DOC2B: variants seen among roughly 807,000 people sequenced by gnomAD.
DOC2B encodes the protein double C2-like domain-containing protein beta.
A neutral mutation model predicts 28.9 loss-of-function variants in DOC2B; 21 were observed. The ratio of observed to expected loss-of-function variants is 0.73; its 90% confidence interval spans 0.52 to 1.05. The LOEUF (loss-of-function observed/expected upper bound fraction) is 1.05, where lower values mean the gene tolerates loss of function less well. DOC2B is among the 50% of genes least tolerant of loss of function. The pLI, the probability that DOC2B is intolerant of heterozygous loss-of-function variation, is 0.00. For synonymous variants in DOC2B, 194 were observed against 178.1 expected (o/e 1.09, Z -0.71); for missense variants, 384 against 421.1 (o/e 0.91, Z 0.77).
Position 144,104 on chromosome 17 carries a change from G to GA in DOC2B, c.*3336_*3337insT. 2.5e-5 allele frequency: 3 copies of GA among 122,040 alleles called. No individual in the cohort carries two copies. In the Admixed American group the frequency reaches 2.6e-4, roughly 11 times the overall value. 7.6% of individuals were successfully genotyped at this position (122,040 alleles called of 1,614,324 possible). A position where few individuals can be genotyped will look rare whatever the true frequency, so the allele number is the denominator to read the frequency against. On this transcript the variant is annotated 3_prime_UTR_variant, in exon 9 of 9. Coordinates refer to ENST00000613549, the MANE Select transcript of DOC2B (RefSeq NM_003585.5). ...GGGGCGGCGGGCGGGGCGGCGGGCG[G>GA]GGCGGCGCTGGAGGCAGCGCCTGGT... is the stretch of plus-strand genomic sequence containing the variant.
At chr17:147,877 A>AG (rs1427446175) in intron 8 of DOC2B, among the ~76,000 whole-genome samples, 3 of 152,206 alleles carry the variant, frequency 2.0e-5, no homozygotes, top group African/African-American at 7.2e-5. Flanking sequence ...CGCAGCCACC[A>AG]GGCCCACTGG....
Position 156,343 on chromosome 17 carries a change from C to T in DOC2B, c.800G>A (p.Arg267Gln), listed in dbSNP as rs754550099. The T allele has an allele frequency of 7.1e-6, 11 of 1,551,484 alleles. No homozygotes were observed. Among genetic ancestry groups the T allele is most frequent in the South Asian group, 2.4e-5 (2 of 84,064 alleles). ...DKTEDKSLEE[R>Q]GRILISLKYS... ...CTTGAGGGAGATGAGGATGCGGCCC[C>T]GCTCCTCCAGGGACTTGTCTTCAGT... Residue 267 changes from arginine to glutamine, a missense_variant, in exon 6 of 9, where the codon CGG becomes CAG. Physicochemically the swap from Arg to Gln is conservative, Grantham distance 43. Transcript: ENST00000613549.
chr17:181,156 C>CT lies in DOC2B; in HGVS notation c.323dup (p.Pro109AlafsTer29). On this transcript the variant is annotated frameshift_variant, in exon 1 of 9. Transcript: ENST00000613549. LOFTEE classifies it high-confidence loss of function. This position sits in a 1 kb window ranked among gnomAD's most constrained non-coding sequence, Gnocchi z 7.0. ...CGGCGTCCGGCTCGTCCTCCGGCGG[C>CT]TTGGCTGGCGGCCGCGCGGGGCTGG... The CT allele has an allele frequency of 1.6e-6, 2 of 1,253,312 alleles. No homozygotes were observed. The highest frequency in any genetic ancestry group is 1.0e-6 in the Non-Finnish European group (1 of 999,990). The allele number at this position is 1,253,312 out of a possible 1,614,324, so 77.6% of individuals were successfully genotyped here. A position where few individuals can be genotyped will look rare whatever the true frequency, so the allele number is the denominator to read the frequency against.
At chr17:177,856 C>G (rs146992383) in intron 1 of DOC2B, among the ~76,000 whole-genome samples, 2 of 152,276 alleles carry the variant, frequency 1.3e-5, no homozygotes, top group Non-Finnish European at 2.9e-5. Flanking sequence ...CACGGAGAAC[C>G]TTTGTGGTGG....
intron 6 of DOC2B, among the ~76,000 whole-genome samples, chr17:150,996 G>A (rs1461046700): frequency 1.3e-5 from 2 of 152,204 alleles, no homozygotes; most frequent in Non-Finnish European, 2.9e-5. Context: ...GAAAACAGGT[G>A]AGTGGTTGCC....
At position 146,282 on chromosome 17, in the gene DOC2B, G is replaced by A. The variant is rs1391053848; in HGVS notation, c.*1159C>T. The A allele has an allele frequency of 3.3e-5, 5 of 152,402 alleles. No individual in the cohort carries two copies. The highest frequency in any genetic ancestry group is 1.2e-4 in the African/African-American group (5 of 41,452). The allele number at this position is 152,402 out of a possible 1,614,324, so 9.4% of individuals were successfully genotyped here. ...AGTGTGAGCCATGGAGTGGAGGGGA[G>A]GGGAAAGGGCAGAGTCAGGACGTGT... is the stretch of plus-strand genomic sequence containing the variant. On this transcript the variant is annotated 3_prime_UTR_variant, in exon 9 of 9. Coordinates refer to ENST00000613549, the MANE Select transcript of DOC2B (RefSeq NM_003585.5).
chr17:142,913 G>C lies in DOC2B; in HGVS notation c.*4528C>G, dbSNP rs2039994804. ...AGGTGGAATGAAAATATAAAGTGTG[G>C]GGATTGCTACTAGTCCTAATACACT... On this transcript the variant is annotated 3_prime_UTR_variant, in exon 9 of 9. Coordinates refer to ENST00000613549, the MANE Select transcript of DOC2B (RefSeq NM_003585.5). 1 of 152,174 alleles carries C rather than the reference G, an allele frequency of 6.6e-6. No individual in the cohort carries two copies. The highest frequency in any genetic ancestry group is 1.5e-5 in the Non-Finnish European group (1 of 68,036). The allele number at this position is 152,174 out of a possible 1,614,324, so 9.4% of individuals were successfully genotyped here. A position where few individuals can be genotyped will look rare whatever the true frequency, so the allele number is the denominator to read the frequency against.
At chr17:160,151 A>AT (rs1242664029) in intron 5 of DOC2B, among the ~76,000 whole-genome samples, 1 of 151,846 alleles carries the variant, frequency 6.6e-6, no homozygotes, top group South Asian at 2.1e-4. Flanking sequence ...CACCCGGCTA[A>AT]TTTTTTTATT....
At chr17:148,468 G>A (rs1031406570) in intron 7 of DOC2B, among the ~76,000 whole-genome samples, 199 bp from the exon 8 acceptor site, 13 of 152,032 alleles carry the variant, frequency 8.6e-5, no homozygotes, top group Non-Finnish European at 1.6e-4. Flanking sequence ...CCCCTCGCCC[G>A]CTTGCTCCTT....
At position 144,193 on chromosome 17, in the gene DOC2B, G is replaced by A. The variant is rs1477672440; in HGVS notation, c.*3248C>T. The A allele has an allele frequency of 7.9e-5, 12 of 152,504 alleles. No individual in the cohort carries two copies. Among genetic ancestry groups the A allele is most frequent in the Non-Finnish European group, 1.3e-4 (9 of 67,998 alleles). The allele number at this position is 152,504 out of a possible 1,614,324, so 9.4% of individuals were successfully genotyped here. On this transcript the variant is annotated 3_prime_UTR_variant, in exon 9 of 9. Transcript: ENST00000613549. The stretch of plus-strand genomic sequence containing the variant: ...ATTTCCTGTCTTTGTGGGGATGATG[G>A]ACCCGAGTAAAGATGCCCATTCGGG...
At chr17:148,070 G>C in intron 8 of DOC2B, 103 bp downstream of exon 8, 2 of 397,416 alleles carry the variant, frequency 5.0e-6, no homozygotes, top group Non-Finnish European at 8.9e-6. Context: ...CTAGGGGCAG[G>C]TGGTCCGTGG....
chr17:172,930 C>T (rs924875698), intron 1 of DOC2B, among the ~76,000 whole-genome samples: 4 of 152,238 alleles, frequency 2.6e-5, no homozygotes, highest in African/African-American at 9.6e-5. Flanking sequence ...GGAGTTCCTG[C>T]CCTCCTGGTG....
intron 1 of DOC2B, among the ~76,000 whole-genome samples, chr17:179,979 T>G (rs2151478925): frequency 6.6e-6 from 1 of 152,336 alleles, no homozygotes; most frequent in East Asian, 1.9e-4. Flanking sequence ...TGGTGGCACA[T>G]TTGATGCTTG....
intron 1 of DOC2B, among the ~76,000 whole-genome samples, chr17:177,807 G>T (rs772749319): frequency 1.3e-5 from 2 of 152,248 alleles, no homozygotes; most frequent in Non-Finnish European, 2.9e-5. Flanking sequence ...TCAAAGGAAG[G>T]GGCACCACAG....
chr17:146,479 A>T lies in DOC2B; in HGVS notation c.*962T>A, dbSNP rs1426770369. 1.3e-5 allele frequency: 2 copies of T among 152,166 alleles called. No individual in the cohort carries two copies. Among genetic ancestry groups the T allele is most frequent in the Non-Finnish European group, 2.9e-5 (2 of 68,066 alleles). The allele number at this position is 152,166 out of a possible 1,614,324, so 9.4% of individuals were successfully genotyped here. On this transcript the variant is annotated 3_prime_UTR_variant, in exon 9 of 9. Coordinates refer to ENST00000613549, the MANE Select transcript of DOC2B (RefSeq NM_003585.5). ...TGAGGTCTGAACTTGAGCCTACACC[A>T]GTTTCTCCATGGTGTTTCCATCACG...
At chr17:159,229 G>T (rs2151464537) in intron 5 of DOC2B, among the ~76,000 whole-genome samples, 1 of 152,252 alleles carries the variant, frequency 6.6e-6, no homozygotes, top group Non-Finnish European at 1.5e-5. Flanking sequence ...AGGGGCTCAT[G>T]CCTGTAATCC....
intron 1 of DOC2B, among the ~76,000 whole-genome samples, chr17:178,525 A>G (rs2040394938): frequency 6.6e-6 from 1 of 152,168 alleles, no homozygotes; most frequent in African/African-American, 2.4e-5. Context: ...GCCCACCTGG[A>G]GGGCAGCACG....
intron 1 of DOC2B, among the ~76,000 whole-genome samples, chr17:177,387 CCTT>C (rs1476865356): frequency 5.9e-5 from 9 of 152,316 alleles, no homozygotes; most frequent in African/African-American, 2.2e-4. Context: ...GGTCTCTTCC[CCTT>C]CTTTGAGCCA....
chr17:151,454 G>A (rs1555521818), intron 6 of DOC2B, among the ~76,000 whole-genome samples: 3 of 152,068 alleles, frequency 2.0e-5, no homozygotes, highest in Non-Finnish European at 2.9e-5. Flanking sequence ...TCCCAAACGC[G>A]CCAATAAGCA....
Sources: allele counts gnomAD v4.1 joint callset (sites outside exome capture counted in the v4.1 genomes callset), GRCh38; gene constraint gnomAD v4.1.1; non-coding constraint Gnocchi (gnomAD v3.1); transcripts MANE v1.5; gene names NCBI Gene and HGNC (gene_info 2026-07-23, HGNC 2026-07-21).